The following KYNU variants were observed in gnomAD, a reference collection of about 807,000 sequenced individuals.
KYNU encodes the protein kynureninase, also known as L-kynurenine hydrolase.
A neutral mutation model predicts 59.2 loss-of-function variants in KYNU; 54 were observed. That is an observed-to-expected ratio of 0.91 (90% CI 0.73 to 1.14). KYNU has a LOEUF of 1.14. KYNU is among the 50% of genes most tolerant of loss of function. The probability of loss-of-function intolerance (pLI) is 0.00; values close to 1 mark genes in which losing one functional copy is unlikely to be tolerated. For missense variants in KYNU, 567 were observed against 554.4 expected (o/e 1.02, Z -0.23); for synonymous variants, 177 against 192.0 (o/e 0.92, Z 0.65).
At chr2:143,034,894 C>A (rs904735226) in intron 12 of KYNU, among the ~76,000 whole-genome samples, 2 of 152,176 alleles carry the variant, frequency 1.3e-5, no homozygotes, top group African/African-American at 2.4e-5. Flanking sequence ...GTGCCCATAT[C>A]TTTGCAAATA....
At chr2:142,958,033 G>T (rs1684225743) in intron 7 of KYNU, 2 of 283,260 alleles carry the variant, frequency 7.1e-6, no homozygotes, top group Non-Finnish European at 1.4e-5. Context: ...AATTCCAAAT[G>T]TCATGCCCAT....
intron 4 of KYNU, among the ~76,000 whole-genome samples, chr2:142,950,675 A>G (rs1683961005): frequency 6.6e-6 from 1 of 152,216 alleles, no homozygotes; most frequent in African/African-American, 2.4e-5. Flanking sequence ...CAGCCAAACC[A>G]TATGAAGGCT....
At chr2:142,989,041 CAAAGA>C in intron 10 of KYNU, 1 of 660,272 alleles carries the variant, frequency 1.5e-6, no homozygotes, top group South Asian at 1.9e-5. Context: ...GAGTGATAAA[CAAAGA>C]AAAGACCCAA....
chr2:142,926,473 C>T (rs1390980031), intron 3 of KYNU, among the ~76,000 whole-genome samples: 1 of 151,964 alleles, frequency 6.6e-6, no homozygotes, highest in Non-Finnish European at 1.5e-5. Flanking sequence ...GATTACTTGG[C>T]ATAAGTAAGG....
intron 10 of KYNU, among the ~76,000 whole-genome samples, chr2:142,998,260 A>T (rs1685602168): frequency 6.6e-6 from 1 of 152,196 alleles, no homozygotes; most frequent in South Asian, 2.1e-4. Context: ...GGAATGATTT[A>T]TGAGCCCATT....
intron 10 of KYNU, among the ~76,000 whole-genome samples, chr2:143,022,830 A>C (rs77736707): frequency 0.088 from 13,346 of 151,868 alleles, 792 homozygotes; most frequent in African/African-American, 0.16. Flanking sequence ...CTATTTTGTG[A>C]ATATCCTTCT....
At chr2:142,995,820 T>G (rs916314675) in intron 10 of KYNU, among the ~76,000 whole-genome samples, 1 of 152,140 alleles carries the variant, frequency 6.6e-6, no homozygotes, top group African/African-American at 2.4e-5. Context: ...TGCCTGGATT[T>G]AGACTCTGTT....
Position 143,037,692 on chromosome 2 carries a change from C to A in KYNU, c.1042-2736C>A, listed in dbSNP as rs1046993134. On this transcript the variant is annotated intron_variant, in intron 12 of 13. Coordinates refer to ENST00000264170, the MANE Select transcript of KYNU (RefSeq NM_003937.3). ...TAGTTGAAACTCTGCAAAGTATTAT[C>A]TTCTAAGCTGAATATTTTTCAAACC... Among the ~76,000 whole-genome samples, 3 of 152,272 alleles carry A rather than the reference C, an allele frequency of 2.0e-5. No individual in the cohort carries two copies. The East Asian group carries it at 5.8e-4, about 29-fold the overall frequency.
chr2:142,968,289 G>T lies in KYNU; in HGVS notation c.729+7519G>T, dbSNP rs557536837. On this transcript the variant is annotated intron_variant, in intron 8 of 13. Coordinates refer to ENST00000264170, the MANE Select transcript of KYNU (RefSeq NM_003937.3). ...AGATCTGAGCCAATTATAGAATATG[G>T]GTAGAAGTTATCAGGTAAAATCCCT... Among the ~76,000 whole-genome samples, 3 of 152,260 alleles carry T rather than the reference G, an allele frequency of 2.0e-5. No individual in the cohort carries two copies. The South Asian group carries it at 6.2e-4, about 32-fold the overall frequency.
intron 10 of KYNU, among the ~76,000 whole-genome samples, chr2:143,009,927 A>G (rs1306337480): frequency 8.5e-6 from 1 of 117,920 alleles, no homozygotes; most frequent in Non-Finnish European, 1.7e-5. Flanking sequence ...AATAAGAGCT[A>G]TCTATGACAA....
intron 2 of KYNU, among the ~76,000 whole-genome samples, chr2:142,908,640 A>AT (rs5834926): frequency 0.53 from 78,740 of 149,304 alleles, 21,031 homozygotes; most frequent in South Asian, 0.69. Flanking sequence ...GAAATGATCA[A>AT]TTTTTTTTTT....
intron 2 of KYNU, among the ~76,000 whole-genome samples, chr2:142,908,558 C>T (rs1682374446): frequency 6.6e-6 from 1 of 151,972 alleles, no homozygotes; most frequent in African/African-American, 2.4e-5. Flanking sequence ...GAGTTTTTGA[C>T]TCAAACCCAG....
In KYNU at chr2:142,923,114, T is replaced by C. The variant is rs10179341; in HGVS notation, c.290+4385T>C. The stretch of plus-strand genomic sequence containing the variant: ...ACCTCCTAAAGACTCTACCTCTTAA[T>C]ACTGTCACATTGGCAGATCAAATTT... On this transcript the variant is annotated intron_variant, in intron 3 of 13. Coordinates refer to ENST00000264170, the MANE Select transcript of KYNU (RefSeq NM_003937.3). Among the ~76,000 whole-genome samples, 1,509 of 152,318 alleles carry C rather than the reference T, an allele frequency of 9.9e-3. 26 individuals carry two copies. Among genetic ancestry groups the C allele is most frequent in the South Asian group, 0.063 (306 of 4,824 alleles).
intron 6 of KYNU, among the ~76,000 whole-genome samples, 155 bp from the exon 7 acceptor site, chr2:142,957,486 G>C (rs1242663080): frequency 6.6e-6 from 1 of 151,934 alleles, no homozygotes; most frequent in Non-Finnish European, 1.5e-5. Flanking sequence ...TTTATTAAGT[G>C]GTTCTTCTCT....
chr2:142,938,673 A>G (rs533784089), intron 4 of KYNU, among the ~76,000 whole-genome samples: 2 of 152,354 alleles, frequency 1.3e-5, no homozygotes, highest in South Asian at 4.1e-4. Context: ...TGATTCAACA[A>G]CACTCATGTT....
Position 142,954,854 on chromosome 2 carries a change from A to G in KYNU, c.418A>G (p.Asn140Asp). 1.9e-6 allele frequency: 3 copies of G among 1,594,218 alleles called. No individual in the cohort carries two copies. Among genetic ancestry groups the G allele is most frequent in the Non-Finnish European group, 2.6e-6 (3 of 1,162,388 alleles). ...AGCCCTAATGAATGCTTTGACTGTA[A>G]ATTTACATCTTCTAATGGTAAGTTT... ...EIALMNALTV[N>D]LHLLMLSFFK... Residue 140 changes from asparagine (N) to aspartate (D), a missense_variant, in exon 5 of 14, where the codon AAT (asparagine) becomes GAT (aspartate). Transcript: ENST00000264170.
In KYNU at chr2:143,028,243, C is replaced by CT. The variant is rs754504556; in HGVS notation, c.903-1364dup. On this transcript the variant is annotated intron_variant, in intron 10 of 13. Transcript: ENST00000264170. Reference sequence around the variant, plus strand: ...TTTTATGTCTGGCTTATTTTACATTCTTTTTTTTTTTTTTTTTTTTGAGAT... The same window carrying CT: ...TTTTATGTCTGGCTTATTTTACATTCTTTTTTTTTTTTTTTTTTTTTGAGAT... 8.7e-3 allele frequency among the ~76,000 whole-genome samples: 785 copies of CT among 90,380 alleles called. 61 individuals carry two copies. Among genetic ancestry groups the CT allele is most frequent in the African/African-American group, 0.025 (594 of 23,304 alleles). The allele number at this position is 90,380 out of a possible 152,430, so 59.3% of individuals were successfully genotyped here. A position where few individuals can be genotyped will look rare whatever the true frequency, so the allele number is the denominator to read the frequency against.
intron 8 of KYNU, among the ~76,000 whole-genome samples, chr2:142,982,744 A>G (rs1558958335): frequency 6.6e-6 from 1 of 152,104 alleles, no homozygotes; most frequent in African/African-American, 2.4e-5. Context: ...TAAGCACCAT[A>G]TAAAACAGCT....
At chr2:143,003,811 A>C (rs1266632619) in intron 10 of KYNU, among the ~76,000 whole-genome samples, 1 of 152,238 alleles carries the variant, frequency 6.6e-6, no homozygotes, top group Non-Finnish European at 1.5e-5. Flanking sequence ...ACTCAAAGAG[A>C]AGAGGGAAAT....
Sources: allele counts gnomAD v4.1 joint callset (sites outside exome capture counted in the v4.1 genomes callset), GRCh38; gene constraint gnomAD v4.1.1; transcripts MANE v1.5; gene names NCBI Gene and HGNC (gene_info 2026-07-23, HGNC 2026-07-21).